The following CLVS1 variants were observed in gnomAD, a reference collection of about 807,000 sequenced individuals.
CLVS1 encodes clavesin-1.
A neutral mutation model predicts 33.1 loss-of-function variants in CLVS1; 10 were observed. That is an observed-to-expected ratio of 0.30 (90% confidence interval 0.19 to 0.51). The LOEUF is 0.51. CLVS1 is among the 20% of genes least tolerant of loss of function. CLVS1 has a pLI of 0.97. For synonymous variants in CLVS1, 163 were observed against 166.1 expected (o/e 0.98, Z 0.14); for missense variants, 343 against 433.4 (o/e 0.79, Z 1.85).
At chr8:61,077,232 C>G (rs953724176) in intron 1 of CLVS1, among the ~76,000 whole-genome samples, 1 of 151,678 alleles carries the variant, frequency 6.6e-6, no homozygotes, top group Non-Finnish European at 1.5e-5. Flanking sequence ...TGCCACCACA[C>G]CCGCTAATTT....
chr8:61,239,724 G>A (rs1808652616), intron 2 of CLVS1, among the ~76,000 whole-genome samples: 2 of 152,110 alleles, frequency 1.3e-5, no homozygotes, highest in Admixed American at 1.3e-4. Flanking sequence ...GCAACAGAGG[G>A]AGACCCTGTC....
Position 61,232,023 on chromosome 8 carries a change from G to GTTTGTTTTTTTTTTTTT in CLVS1, c.-151-67651_-151-67650insGTTTTTTTTTTTTTTTT. Among the ~76,000 whole-genome samples, 61 of 62,640 alleles carry GTTTGTTTTTTTTTTTTT rather than the reference G, an allele frequency of 9.7e-4. 1 individual carries two copies. The highest frequency in any genetic ancestry group is 1.6e-3 in the Admixed American group (9 of 5,738). The allele number at this position is 62,640 out of a possible 152,430, so 41.1% of individuals were successfully genotyped here. On this transcript the variant is annotated intron_variant, in intron 2 of 2. Coordinates refer to the CLVS1 transcript ENST00000522621. ...AGAAGGAGCCCTGAGGAAAGTTGTG[G>GTTTGTTTTTTTTTTTTT]TTTTTTTTTTTTTTTTTTTTTTTTT...
the CLVS1 span, among the ~76,000 whole-genome samples, chr8:60,995,605 G>A: frequency 5.9e-5 from 9 of 152,178 alleles, no homozygotes; most frequent in Admixed American, 2.6e-4. Context: ...TCAGAGTGGC[G>A]ATTCCTCAGG....
chr8:61,492,663 G>A (rs1374658917), intron 5 of CLVS1, among the ~76,000 whole-genome samples: 1 of 152,160 alleles, frequency 6.6e-6, no homozygotes. Flanking sequence ...TCTAAAAATA[G>A]TTTGCTTCAA....
chr8:61,195,868 A>G (rs146469798), intron 2 of CLVS1, among the ~76,000 whole-genome samples: 2,142 of 152,238 alleles, frequency 0.014, 17 homozygotes, highest in Middle Eastern at 0.037. Flanking sequence ...GGAAGTCAGT[A>G]ATTTCAGACA....
intron 2 of CLVS1, among the ~76,000 whole-genome samples, chr8:61,171,003 T>C (rs1437498852): frequency 1.3e-5 from 2 of 152,240 alleles, no homozygotes; most frequent in Non-Finnish European, 2.9e-5. Context: ...GTAAAACATA[T>C]GACTCTTTAG....
Position 61,299,688 on chromosome 8 carries a change from C to G in CLVS1, c.-140C>G. 1.6e-6 allele frequency: 1 copy of G among 608,518 alleles called. No homozygotes were observed. The allele number at this position is 608,518 out of a possible 1,614,324, so 37.7% of individuals were successfully genotyped here. On this transcript the variant is annotated 5_prime_UTR_variant, in exon 2 of 6. Coordinates refer to ENST00000325897, the MANE Select transcript of CLVS1 (RefSeq NM_173519.3). Reference sequence around the variant, plus strand: ...TATTTGTTTTTCAGTAAGCAATGGCCTCAGTTTTGCTTCTGTTTTGGATGA... The same window carrying G: ...TATTTGTTTTTCAGTAAGCAATGGCGTCAGTTTTGCTTCTGTTTTGGATGA...
At chr8:60,991,937 G>A in the CLVS1 span, among the ~76,000 whole-genome samples, 143 of 152,038 alleles carry the variant, frequency 9.4e-4, no homozygotes, top group Non-Finnish European at 2.6e-4. Context: ...AAGTAGAGAC[G>A]GGGTTTCACC....
intron 1 of CLVS1, among the ~76,000 whole-genome samples, chr8:61,121,544 A>C (rs1005775386): frequency 3.3e-5 from 5 of 152,210 alleles, no homozygotes; most frequent in Non-Finnish European, 5.9e-5. Context: ...TGTGACACTC[A>C]CAGATGGATA....
intron 3 of CLVS1, among the ~76,000 whole-genome samples, chr8:61,447,475 C>G (rs1408483853): frequency 6.6e-6 from 1 of 151,516 alleles, no homozygotes; most frequent in African/African-American, 2.4e-5. Flanking sequence ...TTCCTGCCTT[C>G]TTCTGGGTTA....
intron 2 of CLVS1, among the ~76,000 whole-genome samples, chr8:61,190,392 A>G (rs1807443822): frequency 6.6e-6 from 1 of 152,216 alleles, no homozygotes; most frequent in Non-Finnish European, 1.5e-5. Context: ...AGGGAAATTT[A>G]TAGCACTAAA....
intron 3 of CLVS1, among the ~76,000 whole-genome samples, chr8:61,397,838 T>C (rs1814590718): frequency 6.6e-6 from 1 of 152,208 alleles, no homozygotes. Flanking sequence ...TTCTGGTCCC[T>C]CAATTTTATC....
chr8:61,370,767 A>T (rs551268556), intron 2 of CLVS1: 1 of 152,254 alleles, frequency 6.6e-6, no homozygotes, highest in East Asian at 1.9e-4. Flanking sequence ...TTGGCTTTCC[A>T]TTCCCACGTT....
chr8:60,978,409 G>A, the CLVS1 span, among the ~76,000 whole-genome samples: 1 of 152,164 alleles, frequency 6.6e-6, no homozygotes, highest in Middle Eastern at 3.2e-3. Context: ...AGGAAGAATG[G>A]AAATATATAT....
intron 1 of CLVS1, among the ~76,000 whole-genome samples, chr8:61,063,816 C>G (rs1007753881): frequency 1.3e-5 from 2 of 152,172 alleles, no homozygotes; most frequent in African/African-American, 4.8e-5. Context: ...AATCATCCCC[C>G]CTATGTTTTC....
At chr8:61,014,234 C>T in the CLVS1 span, among the ~76,000 whole-genome samples, 1 of 151,982 alleles carries the variant, frequency 6.6e-6, no homozygotes, top group Admixed American at 6.6e-5. Context: ...AAGATATTCC[C>T]CCTTGTGGAG....
intron 1 of CLVS1, chr8:61,292,245 G>A (rs1330520870): frequency 2.3e-6 from 1 of 430,624 alleles, no homozygotes; most frequent in Non-Finnish European, 4.7e-6. Context: ...TCTAATTGAG[G>A]AGAAAGTTAT....
chr8:61,325,828 C>A (rs117606870), intron 2 of CLVS1, among the ~76,000 whole-genome samples: 2,575 of 152,242 alleles, frequency 0.017, 42 homozygotes, highest in Middle Eastern at 0.075. Flanking sequence ...TGGCCTTATA[C>A]CCCTCCTCTA....
intron 3 of CLVS1, 43 bp from the exon 4 acceptor site, chr8:61,454,098 G>A (rs759389673): frequency 1.5e-6 from 2 of 1,338,716 alleles, no homozygotes; most frequent in African/African-American, 1.4e-5. Context: ...GTCTAACAAG[G>A]TGTGCTTACT....
Sources: gnomAD v4.1 joint callset for allele counts (sites outside exome capture counted in the v4.1 genomes callset) on GRCh38, gnomAD v4.1.1 for gene constraint, MANE v1.5 for transcripts, NCBI Gene and HGNC (gene_info 2026-07-23, HGNC 2026-07-21) for gene names.